ELF2: variants seen among roughly 807,000 people sequenced by gnomAD.
The protein encoded by ELF2 is ETS-related transcription factor Elf-2.
ELF2 carries 11 observed loss-of-function variants against 54.8 expected under a neutral mutation model. The ratio of observed to expected loss-of-function variants is 0.20; its 90% CI spans 0.13 to 0.33. The LOEUF is 0.33. Among genes scored for constraint, ELF2 ranks in the 10% least tolerant of loss-of-function variants. The probability of loss-of-function intolerance (pLI) is 1.00; values close to 1 mark genes in which losing one functional copy is unlikely to be tolerated. For missense variants in ELF2, 513 were observed against 703.0 expected, an observed-to-expected ratio of 0.73 and a Z score of 3.06; for synonymous variants, 203 against 245.1, an observed-to-expected ratio of 0.83 and a Z score of 1.61.
At chr4:139,120,833 G>A (rs1736236965) in intron 4 of ELF2, among the ~76,000 whole-genome samples, 1 of 151,994 alleles carries the variant, frequency 6.6e-6, no homozygotes, top group African/African-American at 2.4e-5. Context: ...GAAATCTCCT[G>A]CCAATGTCTT....
intron 1 of ELF2, among the ~76,000 whole-genome samples, chr4:139,168,990 C>T (rs1741984898): frequency 6.6e-6 from 1 of 152,086 alleles, no homozygotes; most frequent in African/African-American, 2.4e-5. Context: ...GGTTCTCATG[C>T]ATGAATACCT....
At chr4:139,109,534 C>A (rs561738077) in intron 4 of ELF2, among the ~76,000 whole-genome samples, 1 of 152,236 alleles carries the variant, frequency 6.6e-6, no homozygotes, top group South Asian at 2.1e-4. Flanking sequence ...AAAAGAGATA[C>A]CTCTTCTTTA....
chr4:139,159,320 C>T (rs994625122), intron 1 of ELF2, among the ~76,000 whole-genome samples: 1 of 152,142 alleles, frequency 6.6e-6, no homozygotes, highest in East Asian at 1.9e-4. Context: ...GGAAATGAGA[C>T]GTTTTAAGAG....
chr4:139,079,073 G>A (rs1189153746), intron 4 of ELF2, among the ~76,000 whole-genome samples: 2 of 151,846 alleles, frequency 1.3e-5, no homozygotes, highest in Non-Finnish European at 2.9e-5. Flanking sequence ...CCACAGGCAC[G>A]CATCAGCACA....
At chr4:139,093,166 C>T (rs556758646) in intron 4 of ELF2, among the ~76,000 whole-genome samples, 13 of 152,008 alleles carry the variant, frequency 8.6e-5, no homozygotes, top group South Asian at 4.2e-4. Flanking sequence ...GGGGTTTCAC[C>T]GTGTTAGCCA....
chr4:139,071,626 C>T (rs766804399), intron 6 of ELF2, among the ~76,000 whole-genome samples: 1 of 151,948 alleles, frequency 6.6e-6, no homozygotes, highest in Non-Finnish European at 1.5e-5. Context: ...GTGTCGAACA[C>T]CTGTTAAATA....
At chr4:139,100,332 G>A (rs1174824962) in intron 4 of ELF2, 1 of 152,022 alleles carries the variant, frequency 6.6e-6, no homozygotes, top group Non-Finnish European at 1.5e-5. Context: ...ATGAATGTGA[G>A]AAGCCAAATT....
chr4:139,109,887 G>T (rs895760428), intron 4 of ELF2, among the ~76,000 whole-genome samples: 1 of 152,248 alleles, frequency 6.6e-6, no homozygotes, highest in Non-Finnish European at 1.5e-5. Context: ...CGTGTACTGT[G>T]TTCACTATCT....
intron 1 of ELF2, among the ~76,000 whole-genome samples, chr4:139,150,651 G>A (rs894912981): frequency 6.6e-6 from 1 of 151,634 alleles, no homozygotes; most frequent in East Asian, 1.9e-4. Flanking sequence ...TATACCAATG[G>A]AACACAATAT....
At chr4:139,146,093 T>C (rs1739196138) in intron 1 of ELF2, among the ~76,000 whole-genome samples, 1 of 152,184 alleles carries the variant, frequency 6.6e-6, no homozygotes, top group South Asian at 2.1e-4. Context: ...ACTATCGCTG[T>C]TTGCTGATGA....
chr4:139,147,521 G>A (rs1739349896), intron 1 of ELF2, among the ~76,000 whole-genome samples: 1 of 152,196 alleles, frequency 6.6e-6, no homozygotes, highest in South Asian at 2.1e-4. Flanking sequence ...GCCTAGGCTG[G>A]AGAGCAGTGG....
chr4:139,099,284 C>T (rs72724722), intron 4 of ELF2, among the ~76,000 whole-genome samples: 9,978 of 152,224 alleles, frequency 0.066, 467 homozygotes, highest in Middle Eastern at 0.12. Context: ...AAATAAAATA[C>T]AAAGTTCTTG....
chr4:139,082,950 C>G (rs996010749), intron 4 of ELF2, among the ~76,000 whole-genome samples: 1 of 152,228 alleles, frequency 6.6e-6, no homozygotes, highest in Non-Finnish European at 1.5e-5. Context: ...GCCGCACATC[C>G]CCCACCCCTG....
At chr4:139,104,966 T>C (rs1227981231) in intron 4 of ELF2, among the ~76,000 whole-genome samples, 2 of 152,196 alleles carry the variant, frequency 1.3e-5, no homozygotes, top group African/African-American at 4.8e-5. Flanking sequence ...TTTCGCAACT[T>C]AGTAAGCTTC....
intron 4 of ELF2, among the ~76,000 whole-genome samples, chr4:139,102,780 G>T (rs953473740): frequency 6.6e-6 from 1 of 152,160 alleles, no homozygotes; most frequent in South Asian, 2.1e-4. Context: ...GGCGGAGGTT[G>T]CAGTGAGCTG....
chr4:139,084,371 C>T (rs2148736454), intron 4 of ELF2: 2 of 1,464,184 alleles, frequency 1.4e-6, no homozygotes, highest in Non-Finnish European at 1.8e-6. Context: ...CCGAGGCCGG[C>T]CCGCCTCCCG....
At chr4:139,093,896 CTTTT>C (rs33953924) in intron 4 of ELF2, among the ~76,000 whole-genome samples, 5 of 83,534 alleles carry the variant, frequency 6.0e-5, no homozygotes, top group Admixed American at 1.4e-4. Context: ...TGACTAACAT[CTTTT>C]TTTTTTTTTT....
At chr4:139,169,334 C>T (rs1407357122) in intron 1 of ELF2, among the ~76,000 whole-genome samples, 4 of 129,840 alleles carry the variant, frequency 3.1e-5, no homozygotes, top group African/African-American at 1.2e-4. Flanking sequence ...GGCTACAGAG[C>T]GGGACTACAT....
rs767803802 is a variant in ELF2 at position 139,071,888 on chromosome 4, A to G, written c.504T>C (p.His168=). ...TSPIPTSPDS[H]EPMKKKKVGR... ...TACCTTTTTTCTTTTTCATTGGTTC[A>G]TGGCTATCTGGTGATGTTGGAATAG... The change falls in exon 6 of 10, where the codon CAT becomes CAC. Residue 168 remains histidine (H), a synonymous_variant. Transcript: ENST00000686138. 6.2e-7 allele frequency: 1 copy of G among 1,600,564 alleles called. No homozygotes were observed. Among genetic ancestry groups the G allele is most frequent in the East Asian group, 2.2e-5 (1 of 44,780 alleles).
Sources: gnomAD v4.1 joint callset for allele counts (sites outside exome capture counted in the v4.1 genomes callset) on GRCh38, gnomAD v4.1.1 for gene constraint, MANE v1.5 for transcripts, NCBI Gene and HGNC (gene_info 2026-07-23, HGNC 2026-07-21) for gene names.